Variants in CHD8 observed in about 807,000 individuals in gnomAD.
CHD8 encodes the protein ATP-dependent chromatin remodeler CHD8.
Under a neutral mutation model 279.2 loss-of-function variants are expected in CHD8, and 31 were observed. The ratio of observed to expected loss-of-function variants is 0.11; its 90% confidence interval spans 0.08 to 0.15. CHD8 has a LOEUF of 0.15. Among genes scored for constraint, CHD8 ranks in the 10% least tolerant of loss-of-function variants. The probability of loss-of-function intolerance (pLI) is 1.00; values close to 1 mark genes in which losing one functional copy is unlikely to be tolerated. For missense variants in CHD8, 2,146 were observed against 3,230.5 expected (o/e 0.66, Z 8.14); for synonymous variants, 1,081 against 1,139.6 (o/e 0.95, Z 1.04).
At chr14:21,393,290 T>C in intron 32 of CHD8, 36 bp from the exon 33 acceptor site, 1 of 1,611,882 alleles carries the variant, frequency 6.2e-7, no homozygotes, top group Non-Finnish European at 8.5e-7. Flanking sequence ...TGAGAAAAGA[T>C]GGAAGAATAA....
At chr14:21,452,884 T>C (rs1890291424) in intron 1 of CHD8, among the ~76,000 whole-genome samples, 1 of 150,638 alleles carries the variant, frequency 6.6e-6, no homozygotes, top group African/African-American at 2.5e-5. Context: ...CTCGGAAGGC[T>C]GAGGCAGAAG....
At chr14:21,417,786 G>T (rs868438961) in intron 5 of CHD8, among the ~76,000 whole-genome samples, 22 of 150,092 alleles carry the variant, frequency 1.5e-4, no homozygotes, top group African/African-American at 4.9e-4. Context: ...CCTGGGAGGT[G>T]GAGCTTGCAG....
chr14:21,451,282 A>G (rs1333511318), intron 1 of CHD8, among the ~76,000 whole-genome samples: 1 of 152,120 alleles, frequency 6.6e-6, no homozygotes, highest in African/African-American at 2.4e-5. Context: ...TGTAAAAGTA[A>G]TTATCGGCTG....
At chr14:21,454,463 AC>A (rs2139580065) in intron 1 of CHD8, among the ~76,000 whole-genome samples, 1 of 152,144 alleles carries the variant, frequency 6.6e-6, no homozygotes, top group East Asian at 1.9e-4. Flanking sequence ...GACTACAGGC[AC>A]GCGTCACCAT....
Position 21,393,162 on chromosome 14 carries a change from T to C in CHD8, c.6412A>G (p.Met2138Val), listed in dbSNP as rs1323339271. The change falls in exon 33 of 38, where the codon ATG becomes GTG. Residue 2138 changes from methionine to valine, a missense_variant. Transcript: ENST00000646647. ...DGFPNEDGEQ[M>V]TPELLLLQER... ...TGCAGTAGCAGAAGCTCAGGGGTCA[T>C]TTGTTCTCCATCTTCATTTGGGAAT... 1 of 1,613,994 alleles carries C rather than the reference T, an allele frequency of 6.2e-7. No homozygotes were observed. Among genetic ancestry groups the C allele is most frequent in the Admixed American group, 1.7e-5 (1 of 60,020 alleles).
Position 21,408,428 on chromosome 14 carries a change from T to C in CHD8, c.2614A>G (p.Thr872Ala). 1.2e-6 allele frequency: 2 copies of C among 1,613,992 alleles called. No homozygotes were observed. Among genetic ancestry groups the C allele is most frequent in the South Asian group, 1.1e-5 (1 of 91,084 alleles). The change falls in exon 13 of 38, where the codon ACT becomes GCT. Residue 872 changes from threonine (T) to alanine (A), a missense_variant. By Grantham distance (58) the Thr-to-Ala change is moderately conservative (BLOSUM62 0). Coordinates refer to ENST00000646647, the MANE Select transcript of CHD8 (RefSeq NM_001170629.2). This position sits in a 1 kb window ranked among gnomAD's most constrained non-coding sequence, Gnocchi z 4.3. ...FLVIAPLSTI[T>A]NWEREFNTWT... is the part of the protein sequence containing the mutation. ...GTATTAAATTCTCGCTCCCAGTTAG[T>C]AATTGTGGACAGTGGGGCAATGACC...
At chr14:21,394,221 T>TTTG (rs1289075059) in intron 31 of CHD8, 26 bp from the exon 32 acceptor site, 1 of 1,610,918 alleles carries the variant, frequency 6.2e-7, no homozygotes, top group Non-Finnish European at 8.5e-7. Context: ...GTAGAAGAAA[T>TTTG]TAACAGAGTT....
Position 21,385,375 on chromosome 14 carries a change from TC to T in CHD8, c.*237del, listed in dbSNP as rs1887178870. 8.2e-6 allele frequency: 5 copies of T among 607,530 alleles called. No individual in the cohort carries two copies. The highest frequency in any genetic ancestry group is 3.4e-5 in the Admixed American group (1 of 29,348). The allele number at this position is 607,530 out of a possible 1,614,324, so 37.6% of individuals were successfully genotyped here. On this transcript the variant is annotated 3_prime_UTR_variant, in exon 38 of 38. Coordinates refer to ENST00000646647, the MANE Select transcript of CHD8 (RefSeq NM_001170629.2). ...GGTGAGCACACCAGCTGCTCTAGTCTCCTTTCCTTCCCCAGAAATGAGGAAG... is the reference window on the plus strand; with the variant it reads ...GGTGAGCACACCAGCTGCTCTAGTCTCTTTCCTTCCCCAGAAATGAGGAAG...
chr14:21,435,909 T>C (rs910061486), intron 1 of CHD8, among the ~76,000 whole-genome samples: 3 of 152,240 alleles, frequency 2.0e-5, no homozygotes, highest in Admixed American at 2.0e-4. Flanking sequence ...AGATTTCCTA[T>C]AGCCTCTCAA....
intron 1 of CHD8, among the ~76,000 whole-genome samples, chr14:21,445,711 AAAAAAG>A: frequency 6.9e-6 from 1 of 145,070 alleles, no homozygotes; most frequent in African/African-American, 2.6e-5. Context: ...AAAAAAAAAA[AAAAAAG>A]TCAGCTGGGC....
intron 1 of CHD8, among the ~76,000 whole-genome samples, chr14:21,444,956 G>T (rs765638579): frequency 6.6e-6 from 1 of 152,070 alleles, no homozygotes; most frequent in Non-Finnish European, 1.5e-5. Flanking sequence ...TTTCTTGGTA[G>T]ACTCTCCAGT....
intron 5 of CHD8, among the ~76,000 whole-genome samples, chr14:21,421,224 C>T (rs1404735937): frequency 2.0e-5 from 3 of 152,034 alleles, no homozygotes; most frequent in Non-Finnish European, 4.4e-5. Context: ...CTTGTATATC[C>T]TTCCAGAAAA....
At chr14:21,429,531 C>A in intron 2 of CHD8, 196 bp from the exon 3 acceptor site, 1 of 729,450 alleles carries the variant, frequency 1.4e-6, no homozygotes, top group Non-Finnish European at 2.5e-6. Context: ...CGCTGTATTG[C>A]CCAGGCTAGA....
At chr14:21,441,868 G>C (rs998451119) in intron 1 of CHD8, among the ~76,000 whole-genome samples, 11 of 149,604 alleles carry the variant, frequency 7.4e-5, no homozygotes, top group Admixed American at 2.7e-4. Flanking sequence ...CAGCCTGGGT[G>C]ACAGAGCGAG....
At chr14:21,436,801 G>T in intron 1 of CHD8, 1 of 435,080 alleles carries the variant, frequency 2.3e-6, no homozygotes, top group Non-Finnish European at 4.4e-6. Context: ...GAGAGATTCT[G>T]CACTCATGAA....
At chr14:21,440,948 G>C (rs1343310738) in intron 1 of CHD8, among the ~76,000 whole-genome samples, 1 of 152,090 alleles carries the variant, frequency 6.6e-6, no homozygotes, top group East Asian at 1.9e-4. Flanking sequence ...TTTCTGCTCA[G>C]CAACCAAAAG....
intron 1 of CHD8, among the ~76,000 whole-genome samples, chr14:21,438,252 G>C (rs1889863154): frequency 6.6e-6 from 1 of 151,982 alleles, no homozygotes; most frequent in South Asian, 2.1e-4. Flanking sequence ...GTAGAGACAG[G>C]GTTTCACTAT....
At chr14:21,435,027 T>C (rs149316281) in intron 1 of CHD8, among the ~76,000 whole-genome samples, 1 of 152,314 alleles carries the variant, frequency 6.6e-6, no homozygotes, top group East Asian at 1.9e-4. Flanking sequence ...ACTGCCTAGA[T>C]AAAGAAGTCA....
At position 21,395,444 on chromosome 14, in the gene CHD8, T is replaced by C. The variant is rs771655440; in HGVS notation, c.5128-92A>G. On this transcript the variant is annotated intron_variant, in intron 28 of 37. Transcript: ENST00000646647. The stretch of plus-strand genomic sequence containing the variant: ...AATCACTTTCTTGTGTGTGTCCTTC[T>C]ATGGCACCAAGGGATCAAGAAAAAC... 1.1e-4 allele frequency: 94 copies of C among 841,116 alleles called. 1 individual carries two copies. The highest frequency in any genetic ancestry group is 6.1e-5 in the Non-Finnish European group (31 of 511,724). 52.1% of individuals were successfully genotyped at this position (841,116 alleles called of 1,614,324 possible).
Sources: allele counts gnomAD v4.1 joint callset (sites outside exome capture counted in the v4.1 genomes callset), GRCh38; gene constraint gnomAD v4.1.1; non-coding constraint Gnocchi (gnomAD v3.1); transcripts MANE v1.5; gene names NCBI Gene and HGNC (gene_info 2026-07-23, HGNC 2026-07-21).